Variants in MFGE8 observed in about 807,000 individuals in gnomAD.
MFGE8 encodes the protein milk fat globule EGF and factor V/VIII domain containing.
MFGE8 carries 34 observed loss-of-function variants against 42.6 expected under a neutral mutation model. The ratio of observed to expected loss-of-function variants is 0.80; its 90% confidence interval spans 0.61 to 1.06. The LOEUF (loss-of-function observed/expected upper bound fraction) is 1.06, where lower values mean the gene tolerates loss of function less well. MFGE8 is among the 50% of genes least tolerant of loss of function. The pLI is 0.00. For synonymous variants in MFGE8, 230 were observed against 214.8 expected (o/e 1.07, Z -0.62); for missense variants, 510 against 516.9 (o/e 0.99, Z 0.13).
At chr15:88,910,891 G>T (rs554251584) in intron 1 of MFGE8, 1 of 143,310 alleles carries the variant, frequency 7.0e-6, no homozygotes, top group Non-Finnish European at 1.5e-5. Context: ...TTGTCCACCA[G>T]GGGGGAGAAA....
chr15:88,905,743 C>A lies in MFGE8; in HGVS notation c.685+14G>T, dbSNP rs897887939. The A allele has an allele frequency of 6.2e-7, 1 of 1,613,968 alleles. No individual in the cohort carries two copies. Among genetic ancestry groups the A allele is most frequent in the Non-Finnish European group, 8.5e-7 (1 of 1,180,000 alleles). ...GGCCAACAGTGCCCCCCTACCCGCA[C>A]CCCCAGCACTCACCGTTCAGCTCAC... On this transcript the variant is annotated intron_variant, in intron 5 of 7. Transcript: ENST00000268150. The surrounding 1 kb of genome is among the most constrained non-coding windows in gnomAD (Gnocchi z 6.6).
intron 2 of MFGE8, 113 bp downstream of exon 2, chr15:88,909,679 A>G: frequency 6.6e-7 from 1 of 1,515,020 alleles, no homozygotes; most frequent in South Asian, 1.1e-5. Context: ...TGACACCTCC[A>G]CTGGGGTGGG....
chr15:88,912,945 G>C (rs1567026532), intron 1 of MFGE8: 8 of 985,394 alleles, frequency 8.1e-6, no homozygotes, highest in Non-Finnish European at 9.6e-6. Context: ...TTTTCACCAG[G>C]GAAAAGAGAG....
At chr15:88,913,129 G>A (rs1899046597) in intron 1 of MFGE8, 118 bp downstream of exon 1, 8 of 1,370,236 alleles carry the variant, frequency 5.8e-6, no homozygotes, top group African/African-American at 4.5e-5. Context: ...TGCCCAGCCC[G>A]GTCCCCGGGG....
chr15:88,906,095 C>A lies in MFGE8; in HGVS notation c.541-194G>T, dbSNP rs2141709686. ...CCCCACGGCCCTCCACAAAGATTCT[C>A]CTCTCACTTTCCTTAATCATCATGG... is the stretch of plus-strand genomic sequence containing the variant. On this transcript the variant is annotated intron_variant, in intron 4 of 7. Coordinates refer to ENST00000268150, the MANE Select transcript of MFGE8 (RefSeq NM_005928.4). This position sits in a 1 kb window ranked among gnomAD's most constrained non-coding sequence, Gnocchi z 4.2. 1.6e-6 allele frequency: 1 copy of A among 645,088 alleles called. No homozygotes were observed. 40.0% of individuals were successfully genotyped at this position (645,088 alleles called of 1,614,324 possible).
At chr15:88,901,517 A>ATACCAACAACGCTGGAC in intron 6 of MFGE8, 34 bp downstream of exon 6, 1 of 1,072,616 alleles carries the variant, frequency 9.3e-7, no homozygotes, top group Non-Finnish European at 1.4e-6. Context: ...ATCCCACCCA[A>ATACCAACAACGCTGGAC]CCCCAGCCCC....
intron 6 of MFGE8, among the ~76,000 whole-genome samples, chr15:88,901,009 A>ACACACACATT (rs1272383479): frequency 5.3e-4 from 80 of 151,112 alleles, no homozygotes; most frequent in Middle Eastern, 3.4e-3. Flanking sequence ...ACATTCACAC[A>ACACACACATT]CACACACACA....
intron 6 of MFGE8, among the ~76,000 whole-genome samples, chr15:88,901,205 A>ACACACACATT (rs1596189816): frequency 2.1e-3 from 72 of 33,948 alleles, no homozygotes; most frequent in South Asian, 6.3e-3. Flanking sequence ...TCACACATTC[A>ACACACACATT]CACACACACA....
In MFGE8 at chr15:88,906,110, A is replaced by T. The variant is rs1898663344; in HGVS notation, c.541-209T>A. ...CAAAGATTCTCCTCTCACTTTCCTT[A>T]ATCATCATGGAGCCTGGGCATAAAC... On this transcript the variant is annotated intron_variant, in intron 4 of 7. Coordinates refer to ENST00000268150, the MANE Select transcript of MFGE8 (RefSeq NM_005928.4). This position sits in a 1 kb window ranked among gnomAD's most constrained non-coding sequence, Gnocchi z 4.2. 1 of 623,082 alleles carries T rather than the reference A, an allele frequency of 1.6e-6. No individual in the cohort carries two copies. The allele number at this position is 623,082 out of a possible 1,614,324, so 38.6% of individuals were successfully genotyped here.
chr15:88,905,895 C>T lies in MFGE8; in HGVS notation c.547G>A (p.Val183Met). 1 of 1,614,190 alleles carries T rather than the reference C, an allele frequency of 6.2e-7. No individual in the cohort carries two copies. Among genetic ancestry groups the T allele is most frequent in the Admixed American group, 1.7e-5 (1 of 60,024 alleles). Residue 183 changes from valine to methionine, a missense_variant, in exon 5 of 8, where the codon GTG becomes ATG. Val to Met is a conservative substitution (Grantham distance 21). Transcript: ENST00000268150. The surrounding 1 kb of genome is among the most constrained non-coding windows in gnomAD (Gnocchi z 6.6). ...ACCGCGTTTTTGTTCCAGTTACCCACAAACTCCTAGCAGGGAAGGGACAAG... is the reference window on the plus strand; with the variant it reads ...ACCGCGTTTTTGTTCCAGTTACCCATAAACTCCTAGCAGGGAAGGGACAAG... ...HDVNKKHKEFVGNWNKNAVHV... is the reference protein window; with the variant it reads ...HDVNKKHKEFMGNWNKNAVHV...
In MFGE8 at chr15:88,906,144, C is replaced by T; in HGVS notation, c.541-243G>A. The T allele has an allele frequency of 3.5e-6, 2 of 575,838 alleles. No homozygotes were observed. The highest frequency in any genetic ancestry group is 6.0e-5 in the East Asian group (2 of 33,336). 35.7% of individuals were successfully genotyped at this position (575,838 alleles called of 1,614,324 possible). A position where few individuals can be genotyped will look rare whatever the true frequency, so the allele number is the denominator to read the frequency against. On this transcript the variant is annotated intron_variant, in intron 4 of 7. Coordinates refer to ENST00000268150, the MANE Select transcript of MFGE8 (RefSeq NM_005928.4). The surrounding 1 kb of genome is among the most constrained non-coding windows in gnomAD (Gnocchi z 4.2). ...GGAGCCTGGGCATAAACCCCTATAG[C>T]TGACACAGGGCCACCTGTAACCTAC...
chr15:88,900,763 T>C (rs1229139719), intron 6 of MFGE8: 1 of 985,254 alleles, frequency 1.0e-6, no homozygotes, highest in Non-Finnish European at 1.2e-6. Flanking sequence ...TGTTTCCTAG[T>C]TTCAATGACA....
chr15:88,907,464 A>G (rs900394524), intron 2 of MFGE8, 88 bp from the exon 3 acceptor site: 20 of 1,216,350 alleles, frequency 1.6e-5, no homozygotes, highest in Non-Finnish European at 1.6e-5. Context: ...ATAAGACTGT[A>G]TGACCTCTGC....
Position 88,905,350 on chromosome 15 carries a change from G to A in MFGE8, c.685+407C>T, listed in dbSNP as rs1053640612. 2.6e-5 allele frequency: 10 copies of A among 378,960 alleles called. No homozygotes were observed. In the East Asian group the frequency reaches 7.0e-4, roughly 27 times the overall value. The allele number at this position is 378,960 out of a possible 1,614,324, so 23.5% of individuals were successfully genotyped here. On this transcript the variant is annotated intron_variant, in intron 5 of 7. Coordinates refer to ENST00000268150, the MANE Select transcript of MFGE8 (RefSeq NM_005928.4). This position sits in a 1 kb window ranked among gnomAD's most constrained non-coding sequence, Gnocchi z 6.6. ...CGCTCATTCATCAAATATTTATTGA[G>A]TACCTATAAACCAGACACCATTCTA...
chr15:88,906,770 C>A lies in MFGE8; in HGVS notation c.396G>T (p.Leu132=), dbSNP rs750409778. ...CACCTGTTACCCACATCCTCCGCAGCAGGTTCACCTGGACACAGGGCAGGG... is the reference window on the plus strand; with the variant it reads ...CACCTGTTACCCACATCCTCCGCAGAAGGTTCACCTGGACACAGGGCAGGG... ...NDDNPWIQVN[L]LRRMWVTGVV... Residue 132 remains leucine (L), a synonymous_variant, in exon 4 of 8, where the codon CTG becomes CTT. Coordinates refer to ENST00000268150, the MANE Select transcript of MFGE8 (RefSeq NM_005928.4). This position sits in a 1 kb window ranked among gnomAD's most constrained non-coding sequence, Gnocchi z 4.2. The A allele has an allele frequency of 1.9e-6, 3 of 1,612,940 alleles. No individual in the cohort carries two copies. Among genetic ancestry groups the A allele is most frequent in the Admixed American group, 3.3e-5 (2 of 60,012 alleles).
chr15:88,910,032 C>G, intron 1 of MFGE8, 109 bp from the exon 2 acceptor site: 1 of 1,383,804 alleles, frequency 7.2e-7, no homozygotes, highest in Non-Finnish European at 1.0e-6. Flanking sequence ...TCAAACTCGC[C>G]CATTATCTCT....
chr15:88,906,066 GC>G lies in MFGE8; in HGVS notation c.541-166del. 1 of 748,456 alleles carries G rather than the reference GC, an allele frequency of 1.3e-6. No homozygotes were observed. Among genetic ancestry groups the G allele is most frequent in the Non-Finnish European group, 2.3e-6 (1 of 441,612 alleles). 46.4% of individuals were successfully genotyped at this position (748,456 alleles called of 1,614,324 possible). ...GGCTCACACAGCAGCCTCTCCTTTG[GC>G]CACCCCACGGCCCTCCACAAAGATT... On this transcript the variant is annotated intron_variant, in intron 4 of 7. Transcript: ENST00000268150. This position sits in a 1 kb window ranked among gnomAD's most constrained non-coding sequence, Gnocchi z 4.2.
intron 5 of MFGE8, chr15:88,904,936 A>G (rs1432324775): frequency 6.5e-6 from 1 of 154,208 alleles, no homozygotes; most frequent in African/African-American, 2.4e-5. Flanking sequence ...AGCAGGTGGC[A>G]TTGTGGCTGC....
chr15:88,909,441 A>G (rs16942473), intron 2 of MFGE8, among the ~76,000 whole-genome samples: 10,258 of 152,274 alleles, frequency 0.067, 1,179 homozygotes, highest in African/African-American at 0.23. Context: ...AAATCCTTGC[A>G]ACTTAACCCT....
Sources: allele counts gnomAD v4.1 joint callset (sites outside exome capture counted in the v4.1 genomes callset), GRCh38; gene constraint gnomAD v4.1.1; non-coding constraint Gnocchi (gnomAD v3.1); transcripts MANE v1.5; gene names NCBI Gene and HGNC (gene_info 2026-07-23, HGNC 2026-07-21).